Variants in DCST1 observed in about 807,000 individuals in gnomAD.
DCST1 encodes DC-STAMP domain containing 1.
A neutral mutation model predicts 89.1 loss-of-function variants in DCST1; 78 were observed. That is an observed-to-expected ratio of 0.88 (90% CI 0.73 to 1.06). The LOEUF is 1.06. DCST1 is among the 50% of genes least tolerant of loss of function. DCST1 has a pLI of 0.00. For synonymous variants in DCST1, 364 were observed against 371.9 expected (o/e 0.98, Z 0.24); for missense variants, 900 against 928.6 (o/e 0.97, Z 0.40).
intron 8 of DCST1, 100 bp from the exon 9 acceptor site, chr1:155,042,635 A>G: frequency 1.3e-6 from 2 of 1,545,154 alleles, no homozygotes; most frequent in Non-Finnish European, 1.8e-6. Context: ...CAGAGAGACA[A>G]AAAAGCAGGA....
intron 8 of DCST1, 29 bp from the exon 9 acceptor site, chr1:155,042,706 G>A (rs1306767991): frequency 1.9e-6 from 3 of 1,613,580 alleles, no homozygotes; most frequent in African/African-American, 2.7e-5. Context: ...GGCCCGGGGA[G>A]GCCCCTGACC....
chr1:155,033,806 A>T (rs951682392), upstream of DCST1: 1 of 1,509,150 alleles, frequency 6.6e-7, no homozygotes, highest in Admixed American at 2.0e-5. Context: ...CTTTCACTGC[A>T]TATGTCTTGG....
chr1:155,049,331 T>C (rs529966793), intron 16 of DCST1: 1 of 416,922 alleles, frequency 2.4e-6, no homozygotes, highest in Admixed American at 4.3e-5. Context: ...CCCTGGGCAG[T>C]GATCACATCT....
chr1:155,043,637 G>A, intron 10 of DCST1, 128 bp downstream of exon 10: 1 of 1,204,374 alleles, frequency 8.3e-7, no homozygotes, highest in Non-Finnish European at 1.1e-6. Context: ...ATTTACCTTT[G>A]TCTTTGTTTA....
At chr1:155,047,699 C>T (rs1220078207) in intron 14 of DCST1, 88 bp from the exon 15 acceptor site, 3 of 1,202,938 alleles carry the variant, frequency 2.5e-6, no homozygotes, top group Non-Finnish European at 3.6e-6. Context: ...CAGAGGACTG[C>T]ACCTCCCACT....
At chr1:155,033,820 C>A, upstream of DCST1, 1 of 1,466,932 alleles carries the variant, frequency 6.8e-7, no homozygotes. Flanking sequence ...GTCTTGGAAT[C>A]CTTGACCCAG....
intron 16 of DCST1, chr1:155,048,900 G>A (rs1660752285): frequency 1.6e-6 from 1 of 642,324 alleles, no homozygotes; most frequent in African/African-American, 1.8e-5. Flanking sequence ...GAGTCAGGAA[G>A]GCCTCATGCA....
intron 10 of DCST1, among the ~76,000 whole-genome samples, chr1:155,043,842 C>T (rs1334639211): frequency 5.3e-5 from 8 of 152,130 alleles, no homozygotes; most frequent in Admixed American, 2.6e-4. Flanking sequence ...TGACTTTGTG[C>T]CATTTTTATC....
chr1:155,049,013 T>G, intron 16 of DCST1: 1 of 717,104 alleles, frequency 1.4e-6, no homozygotes, highest in South Asian at 1.5e-5. Flanking sequence ...GAGCCTCAGT[T>G]TCTCCCTCTG....
intron 4 of DCST1, 67 bp downstream of exon 4, chr1:155,034,794 C>T: frequency 6.4e-7 from 1 of 1,560,746 alleles, no homozygotes. Context: ...CCTGCATGCC[C>T]AGGAAGGAGT....
At position 155,046,240 on chromosome 1, in the gene DCST1, C is replaced by T. The variant is rs769138110; in HGVS notation, c.1368+20C>T. ...AATGTGGTGAGGACAGCATGGGGAG[C>T]GGACTCCTGGGTGCAAAGACAGGCC... On this transcript the variant is annotated intron_variant, in intron 12 of 16. Coordinates refer to ENST00000295542, the MANE Select transcript of DCST1 (RefSeq NM_152494.4). 1.1e-5 allele frequency: 17 copies of T among 1,614,006 alleles called. No individual in the cohort carries two copies. In the South Asian group the frequency reaches 1.1e-4, roughly 10 times the overall value.
At chr1:155,034,315 G>A (rs1275101902) in intron 2 of DCST1, 120 bp from the exon 3 acceptor site, 1 of 1,603,396 alleles carries the variant, frequency 6.2e-7, no homozygotes, top group South Asian at 1.1e-5. Context: ...GGTCCCCTAA[G>A]TTCCTACTGT....
Position 155,041,721 on chromosome 1 carries a change from G to A in DCST1, c.756G>A (p.Val252=). The A allele has an allele frequency of 6.2e-7, 1 of 1,614,246 alleles. No homozygotes were observed. Among genetic ancestry groups the A allele is most frequent in the Non-Finnish European group, 8.5e-7 (1 of 1,180,036 alleles). Residue 252 remains valine (V), a synonymous_variant, in exon 8 of 17, where the codon GTG becomes GTA. Transcript: ENST00000295542. ...CCTTGCTCCTTCCTACAGATGTGGT[G>A]AACCAGGCCATACTCAGCTGCCGTC... ...LKTKLRCSYV[V]NQAILSCRRW... is the part of the protein sequence containing the mutation.
rs1660607605 is a variant in DCST1 at position 155,045,974 on chromosome 1, T to C, written c.1254T>C (p.Asp418=). 1.2e-6 allele frequency: 2 copies of C among 1,614,144 alleles called. No homozygotes were observed. The highest frequency in any genetic ancestry group is 1.7e-6 in the Non-Finnish European group (2 of 1,179,964). ...TCAGTACCTACTTCTGCCAGATCGATGACCGCAGGAAGAAGCTGGTGAGTG... is the reference window on the plus strand; with the variant it reads ...TCAGTACCTACTTCTGCCAGATCGACGACCGCAGGAAGAAGCTGGTGAGTG... ...IYISTYFCQI[D]DRRKKLGKRT... is the part of the protein sequence containing the mutation. The change falls in exon 11 of 17, where the codon GAT becomes GAC. Residue 418 remains aspartate, a synonymous_variant. Coordinates refer to ENST00000295542, the MANE Select transcript of DCST1 (RefSeq NM_152494.4).
At chr1:155,034,974 T>C (rs929110986) in intron 4 of DCST1, 1 of 546,252 alleles carries the variant, frequency 1.8e-6, no homozygotes, top group Admixed American at 3.1e-5. Context: ...CATGATATAG[T>C]CCAACCCCAT....
At position 155,047,229 on chromosome 1, in the gene DCST1, A is replaced by G. The variant is rs1229310479; in HGVS notation, c.1529A>G (p.Asp510Gly). The change falls in exon 14 of 17, where the codon GAC becomes GGC. Residue 510 changes from aspartate to glycine, a missense_variant. Transcript: ENST00000295542. Reference sequence around the variant, plus strand: ...AAACTGGAGGTGAAGGTCGGGGGAGACTCCATGCTAGCCCGGCTTCTTCGA... The same window carrying G: ...AAACTGGAGGTGAAGGTCGGGGGAGGCTCCATGCTAGCCCGGCTTCTTCGA... ...SHKLEVKVGGDSMLARLLRKT... is the reference protein window; with the variant it reads ...SHKLEVKVGGGSMLARLLRKT... The G allele has an allele frequency of 6.2e-7, 1 of 1,613,628 alleles. No individual in the cohort carries two copies. The highest frequency in any genetic ancestry group is 1.1e-5 in the South Asian group (1 of 91,056).
intron 14 of DCST1, 86 bp from the exon 15 acceptor site, chr1:155,047,701 C>T: frequency 1.6e-6 from 2 of 1,250,550 alleles, no homozygotes; most frequent in Admixed American, 3.7e-5. Context: ...GAGGACTGCA[C>T]CTCCCACTGG....
At chr1:155,050,479 G>A (rs1660879281) in intron 16 of DCST1, 138 bp from the exon 17 acceptor site, 1 of 1,214,952 alleles carries the variant, frequency 8.2e-7, no homozygotes, top group Non-Finnish European at 1.1e-6. Context: ...CGCCCTCCAG[G>A]GGTTTCCTTT....
intron 16 of DCST1, among the ~76,000 whole-genome samples, chr1:155,050,120 G>A (rs550205353): frequency 1.1e-4 from 16 of 152,358 alleles, no homozygotes; most frequent in African/African-American, 3.6e-4. Flanking sequence ...TGGGTAAGGT[G>A]GCCTGTGGAA....
Sources: allele counts gnomAD v4.1 joint callset (sites outside exome capture counted in the v4.1 genomes callset), GRCh38; gene constraint gnomAD v4.1.1; transcripts MANE v1.5; gene names NCBI Gene and HGNC (gene_info 2026-07-23, HGNC 2026-07-21).